The following GAS7 variants were observed in gnomAD, a reference collection of about 807,000 sequenced individuals.
GAS7 encodes growth arrest-specific protein 7.
A neutral mutation model predicts 71.1 loss-of-function variants in GAS7; 28 were observed. The observed-to-expected ratio is 0.39, with a 90% confidence interval of 0.29 to 0.54. The LOEUF is 0.54. Among genes scored for constraint, GAS7 ranks in the 20% least tolerant of loss-of-function variants. The pLI is 0.62. For missense variants in GAS7, 436 were observed against 627.8 expected (o/e 0.69, Z 3.27); for synonymous variants, 258 against 245.8 (o/e 1.05, Z -0.46).
chr17:10,140,243 C>T (rs916835893), intron 1 of GAS7, among the ~76,000 whole-genome samples: 4 of 152,168 alleles, frequency 2.6e-5, no homozygotes, highest in African/African-American at 9.7e-5. Context: ...GGGAGGACTG[C>T]GTGTGCCTAG....
At chr17:9,995,385 ACGAGGGAAAGAC>A (rs2071000064) in intron 2 of GAS7, among the ~76,000 whole-genome samples, 1 of 152,110 alleles carries the variant, frequency 6.6e-6, no homozygotes, top group South Asian at 2.1e-4. Flanking sequence ...AGATAAAGAG[ACGAGGGAAAGAC>A]CAAGAAGGGG....
At chr17:10,120,643 C>T (rs1043493521) in intron 1 of GAS7, among the ~76,000 whole-genome samples, 4 of 152,092 alleles carry the variant, frequency 2.6e-5, no homozygotes, top group Middle Eastern at 3.2e-3. Flanking sequence ...ACCTGGGAGG[C>T]GGAGGTTGCA....
intron 1 of GAS7, among the ~76,000 whole-genome samples, chr17:10,072,974 A>G (rs2073356756): frequency 1.3e-5 from 2 of 152,218 alleles, no homozygotes; most frequent in Admixed American, 1.3e-4. Context: ...AAGTAAATGG[A>G]GCAAAGTGGT....
chr17:10,131,884 G>T (rs1029137529), intron 1 of GAS7, among the ~76,000 whole-genome samples: 1 of 152,046 alleles, frequency 6.6e-6, no homozygotes, highest in Non-Finnish European at 1.5e-5. Flanking sequence ...ATGTGCTCAT[G>T]AATGCATGAA....
rs138334858 is a variant in GAS7 at position 10,052,749 on chromosome 17, G to A, written c.184-32852C>T. On this transcript the variant is annotated intron_variant, in intron 1 of 13. Transcript: ENST00000432992. ...AGTTCAACTCTCCAGCCCAGAAGGG[G>A]AACCACCTTGCTCTGTCTAGTGGGC... Among the ~76,000 whole-genome samples the A allele has an allele frequency of 2.8e-3, 433 of 152,172 alleles. 3 individuals carry two copies. Among genetic ancestry groups the A allele is most frequent in the African/African-American group, 1.0e-2 (414 of 41,518 alleles).
chr17:10,105,839 G>A (rs2073751414), intron 1 of GAS7, among the ~76,000 whole-genome samples: 2 of 152,112 alleles, frequency 1.3e-5, no homozygotes, highest in African/African-American at 2.4e-5. Context: ...TCAGGGACCT[G>A]GGTAGTCTTA....
intron 1 of GAS7, among the ~76,000 whole-genome samples, chr17:10,064,347 G>A (rs957937930): frequency 9.9e-5 from 15 of 152,194 alleles, no homozygotes; most frequent in South Asian, 4.1e-4. Flanking sequence ...GCAGGCTCTC[G>A]TAGCATCTGT....
intron 1 of GAS7, among the ~76,000 whole-genome samples, chr17:10,045,958 G>A (rs532553511): frequency 6.6e-6 from 1 of 152,086 alleles, no homozygotes; most frequent in African/African-American, 2.4e-5. Context: ...TCACAGATTT[G>A]ATTTGGTTTC....
At chr17:10,147,244 A>T (rs1328404202) in intron 1 of GAS7, among the ~76,000 whole-genome samples, 1 of 152,166 alleles carries the variant, frequency 6.6e-6, no homozygotes, top group Non-Finnish European at 1.5e-5. Context: ...CACATATTCC[A>T]CTGTGTGCCT....
intron 2 of GAS7, among the ~76,000 whole-genome samples, chr17:9,988,994 G>A (rs550461180): frequency 1.3e-5 from 2 of 152,142 alleles, no homozygotes; most frequent in East Asian, 1.9e-4. Flanking sequence ...GACTACAGGA[G>A]CCTGCCACCA....
intron 1 of GAS7, among the ~76,000 whole-genome samples, chr17:10,078,077 GTGTTTTGTTTTGTTT>G (rs201341780): frequency 1.3e-5 from 2 of 149,850 alleles, no homozygotes; most frequent in African/African-American, 4.9e-5. Flanking sequence ...GTGTGTGTGT[GTGTTTTGTTTTGTTT>G]TGTTTTGTTT....
chr17:9,919,687 C>T lies in GAS7; in HGVS notation c.1157G>A (p.Cys386Tyr). The T allele has an allele frequency of 6.2e-7, 1 of 1,613,582 alleles. No homozygotes were observed. Among genetic ancestry groups the T allele is most frequent in the Non-Finnish European group, 8.5e-7 (1 of 1,179,452 alleles). Residue 386 changes from cysteine to tyrosine, a missense_variant, in exon 12 of 14, where the codon TGT becomes TAT. Transcript: ENST00000432992. The surrounding 1 kb of genome is among the most constrained non-coding windows in gnomAD (Gnocchi z 5.0). ...CTGGGCCTGGTTGTAGAGATCCACA[C>T]AGCGCATGAGGTCGTCTCCTGGAAA... The part of the protein sequence containing the change: ...STQAGDDLMR[C>Y]VDLYNQAQSK...
intron 1 of GAS7, among the ~76,000 whole-genome samples, chr17:10,127,251 C>G (rs996873905): frequency 6.6e-6 from 1 of 152,134 alleles, no homozygotes; most frequent in Non-Finnish European, 1.5e-5. Context: ...AGTGCTTCCA[C>G]GAGCCCCTCC....
At chr17:9,953,624 A>C (rs987832716) in intron 5 of GAS7, among the ~76,000 whole-genome samples, 1 of 152,262 alleles carries the variant, frequency 6.6e-6, no homozygotes, top group African/African-American at 2.4e-5. Context: ...TCCAGCCTCG[A>C]CCACGAAGCT....
intron 1 of GAS7, among the ~76,000 whole-genome samples, chr17:10,049,902 G>A (rs565278755): frequency 6.6e-6 from 1 of 152,014 alleles, no homozygotes; most frequent in African/African-American, 2.4e-5. Flanking sequence ...TTACAGGCGT[G>A]AGCCACCGCG....
intron 1 of GAS7, among the ~76,000 whole-genome samples, chr17:10,053,683 G>A (rs1338374841): frequency 6.6e-6 from 1 of 152,096 alleles, no homozygotes; most frequent in Non-Finnish European, 1.5e-5. Context: ...GAGATTTGCT[G>A]AGATCTCAAA....
At chr17:10,010,371 C>T (rs1327031029) in intron 2 of GAS7, among the ~76,000 whole-genome samples, 1 of 152,130 alleles carries the variant, frequency 6.6e-6, no homozygotes, top group Non-Finnish European at 1.5e-5. Context: ...CCAGGATGGT[C>T]TTGATCTCCT....
intron 8 of GAS7, among the ~76,000 whole-genome samples, chr17:9,939,877 G>C (rs1370049794): frequency 2.0e-5 from 3 of 152,168 alleles, no homozygotes; most frequent in African/African-American, 7.2e-5. Flanking sequence ...CAAAGTGCTG[G>C]GATAATGGGT....
chr17:10,017,633 CGAT>C, intron 2 of GAS7, among the ~76,000 whole-genome samples: 1 of 152,208 alleles, frequency 6.6e-6, no homozygotes, highest in East Asian at 1.9e-4. Flanking sequence ...CTGGCCAGAA[CGAT>C]GATATTTTAT....
Sources: gnomAD v4.1 joint callset for allele counts (sites outside exome capture counted in the v4.1 genomes callset) on GRCh38, gnomAD v4.1.1 for gene constraint, Gnocchi (gnomAD v3.1) non-coding constraint, MANE v1.5 for transcripts, NCBI Gene and HGNC (gene_info 2026-07-23, HGNC 2026-07-21) for gene names.